ME3: variants seen among roughly 807,000 people sequenced by gnomAD.
The protein encoded by ME3 is NADP-dependent malic enzyme, mitochondrial.
Under a neutral mutation model 68.9 loss-of-function variants are expected in ME3, and 48 were observed. That is an observed-to-expected ratio of 0.70 (90% CI 0.55 to 0.89). ME3 has a LOEUF of 0.89. Among genes scored for constraint, ME3 ranks in the 40% least tolerant of loss-of-function variants. The pLI, the probability that ME3 is intolerant of heterozygous loss-of-function variation, is 0.00. For missense variants in ME3, 675 were observed against 797.4 expected (o/e 0.85, Z 1.85); for synonymous variants, 320 against 318.8 (o/e 1.00, Z -0.04).
intron 2 of ME3, among the ~76,000 whole-genome samples, chr11:86,665,278 G>A (rs995406386): frequency 6.6e-6 from 1 of 152,152 alleles, no homozygotes; most frequent in Non-Finnish European, 1.5e-5. Context: ...AATACTATGG[G>A]GGAAAGCAGG....
intron 2 of ME3, among the ~76,000 whole-genome samples, chr11:86,614,448 T>G (rs1331357418): frequency 6.6e-6 from 1 of 152,332 alleles, no homozygotes; most frequent in South Asian, 2.1e-4. Flanking sequence ...GCCTTTGCTG[T>G]GAGTCCAGAA....
chr11:86,611,581 T>C (rs1238502276), intron 2 of ME3, among the ~76,000 whole-genome samples: 1 of 121,942 alleles, frequency 8.2e-6, no homozygotes, highest in Non-Finnish European at 1.7e-5. Context: ...ACAATTTCTA[T>C]TTGTCAAATA....
At chr11:86,529,977 T>G (rs1046358254) in intron 4 of ME3, among the ~76,000 whole-genome samples, 1 of 152,124 alleles carries the variant, frequency 6.6e-6, no homozygotes, top group African/African-American at 2.4e-5. Context: ...CCACTCCTAT[T>G]CAACATAGTG....
intron 3 of ME3, among the ~76,000 whole-genome samples, chr11:86,559,333 T>C (rs1212949591): frequency 6.6e-6 from 1 of 152,132 alleles, no homozygotes; most frequent in East Asian, 1.9e-4. Flanking sequence ...TTGCTCCAGT[T>C]CGTCCCTCTC....
At chr11:86,499,635 G>A (rs1952591226) in intron 5 of ME3, among the ~76,000 whole-genome samples, 1 of 152,310 alleles carries the variant, frequency 6.6e-6, no homozygotes, top group East Asian at 1.9e-4. Context: ...GGAAATAAGT[G>A]TAGAGATTCT....
chr11:86,652,760 T>TAAACCTC (rs1473047277), intron 2 of ME3, among the ~76,000 whole-genome samples: 1 of 152,146 alleles, frequency 6.6e-6, no homozygotes, highest in Non-Finnish European at 1.5e-5. Context: ...ACCTTAAATG[T>TAAACCTC]AAATGGGCTA....
At chr11:86,532,914 A>G (rs2139285862) in intron 4 of ME3, among the ~76,000 whole-genome samples, 1 of 152,242 alleles carries the variant, frequency 6.6e-6, no homozygotes, top group South Asian at 2.1e-4. Flanking sequence ...TTAGCCGGGC[A>G]TGTTTCAGGC....
intron 2 of ME3, among the ~76,000 whole-genome samples, chr11:86,625,261 G>A (rs150265419): frequency 1.6e-4 from 24 of 152,064 alleles, no homozygotes; most frequent in African/African-American, 5.5e-4. Flanking sequence ...CCTGAGTTTG[G>A]TGACCATAGT....
intron 2 of ME3, among the ~76,000 whole-genome samples, chr11:86,589,363 G>C (rs1289974721): frequency 6.6e-6 from 1 of 151,972 alleles, no homozygotes; most frequent in Non-Finnish European, 1.5e-5. Context: ...GGGAGAGGGA[G>C]AAAGAAAGAG....
intron 4 of ME3, among the ~76,000 whole-genome samples, chr11:86,516,073 C>T (rs900937936): frequency 1.1e-4 from 16 of 152,156 alleles, no homozygotes; most frequent in Admixed American, 3.9e-4. Flanking sequence ...ACTCCTAGAG[C>T]TGAGAACATG....
intron 8 of ME3, among the ~76,000 whole-genome samples, chr11:86,462,022 C>A (rs1156305757): frequency 6.6e-6 from 1 of 152,104 alleles, no homozygotes; most frequent in Non-Finnish European, 1.5e-5. Flanking sequence ...GACACAAAAA[C>A]CAATGAATGT....
intron 5 of ME3, among the ~76,000 whole-genome samples, chr11:86,503,204 G>T (rs1952841664): frequency 6.6e-6 from 1 of 152,146 alleles, no homozygotes; most frequent in East Asian, 1.9e-4. Context: ...CCTCTTACAG[G>T]GTTGCCATGA....
chr11:86,494,721 C>T (rs920998758), intron 6 of ME3, among the ~76,000 whole-genome samples: 1 of 152,094 alleles, frequency 6.6e-6, no homozygotes, highest in African/African-American at 2.4e-5. Context: ...TTAAAGTGAC[C>T]AATTAGGTGA....
At chr11:86,646,802 G>A (rs1471971368) in intron 2 of ME3, among the ~76,000 whole-genome samples, 1 of 152,128 alleles carries the variant, frequency 6.6e-6, no homozygotes, top group Non-Finnish European at 1.5e-5. Context: ...CAGCCAGAGG[G>A]AAAGGTCAGA....
chr11:86,597,320 C>T (rs1195247603), intron 2 of ME3, among the ~76,000 whole-genome samples: 1 of 152,190 alleles, frequency 6.6e-6, no homozygotes, highest in East Asian at 1.9e-4. Flanking sequence ...TTACAGTATC[C>T]CCGAGCAATG....
rs375089575 is a variant in ME3 at position 86,598,727 on chromosome 11, C to T, written c.184-38904G>A. ...AGTAGGGGCAGACTAACACCTCACG[C>T]GGCCAGGTACTCCTCTGAGACAAAA... On this transcript the variant is annotated intron_variant, in intron 2 of 14. Coordinates refer to ENST00000543262, the Ensembl canonical transcript of ME3. Among the ~76,000 whole-genome samples, 19 of 152,292 alleles carry T rather than the reference C, an allele frequency of 1.2e-4. No homozygotes were observed. In the East Asian group the frequency reaches 1.9e-3, roughly 15 times the overall value.
intron 2 of ME3, among the ~76,000 whole-genome samples, chr11:86,619,084 G>A (rs1178758370): frequency 6.6e-6 from 1 of 152,174 alleles, no homozygotes; most frequent in Non-Finnish European, 1.5e-5. Flanking sequence ...GCCATGTTAT[G>A]TGTAAGCTCC....
intron 2 of ME3, among the ~76,000 whole-genome samples, chr11:86,647,462 G>A (rs988103405): frequency 1.3e-5 from 2 of 150,660 alleles, no homozygotes; most frequent in African/African-American, 2.5e-5. Flanking sequence ...TCCAGCCTGG[G>A]AGACACAGCG....
chr11:86,523,812 G>A (rs550267892), intron 4 of ME3, among the ~76,000 whole-genome samples: 18 of 152,058 alleles, frequency 1.2e-4, no homozygotes, highest in African/African-American at 3.6e-4. Flanking sequence ...GAAAAAAGGC[G>A]GAATAGAAGG....
Sources: allele counts gnomAD v4.1 joint callset (sites outside exome capture counted in the v4.1 genomes callset), GRCh38; gene constraint gnomAD v4.1.1; transcripts MANE v1.5; gene names NCBI Gene and HGNC (gene_info 2026-07-23, HGNC 2026-07-21).